The following CNTNAP2 variants were observed in gnomAD, a reference collection of about 807,000 sequenced individuals.
CNTNAP2 encodes contactin associated protein 2.
Under a neutral mutation model 155.2 loss-of-function variants are expected in CNTNAP2, and 98 were observed. The ratio of observed to expected loss-of-function variants is 0.63; its 90% CI spans 0.54 to 0.75. The LOEUF (loss-of-function observed/expected upper bound fraction) is 0.75. Among genes scored for constraint, CNTNAP2 ranks in the 30% least tolerant of loss-of-function variants. CNTNAP2 has a pLI of 0.00. For missense variants in CNTNAP2, 1,727 were observed against 1,688.1 expected, an observed-to-expected ratio of 1.02 and a Z score of -0.40; for synonymous variants, 651 against 631.2, an observed-to-expected ratio of 1.03 and a Z score of -0.47.
At chr7:147,354,910 A>G (rs1440904889) in intron 9 of CNTNAP2, among the ~76,000 whole-genome samples, 1 of 151,994 alleles carries the variant, frequency 6.6e-6, no homozygotes, top group Non-Finnish European at 1.5e-5. Flanking sequence ...TGTGAATGGG[A>G]GTTTGCTCAT....
intron 13 of CNTNAP2, among the ~76,000 whole-genome samples, chr7:147,878,768 A>G (rs1180846470): frequency 6.6e-6 from 1 of 152,180 alleles, no homozygotes; most frequent in East Asian, 1.9e-4. Context: ...AACATGAGAT[A>G]GTTTTCTTTT....
intron 13 of CNTNAP2, among the ~76,000 whole-genome samples, chr7:147,653,678 G>A (rs573680006): frequency 2.0e-5 from 3 of 152,144 alleles, no homozygotes; most frequent in African/African-American, 4.8e-5. Flanking sequence ...GAGGTCCTGC[G>A]CAGGAAGGCA....
At chr7:148,116,280 G>C (rs1370141048) in intron 15 of CNTNAP2, among the ~76,000 whole-genome samples, 2 of 152,066 alleles carry the variant, frequency 1.3e-5, no homozygotes, top group Non-Finnish European at 2.9e-5. Flanking sequence ...TAATTAATAG[G>C]AATGCCATTG....
intron 12 of CNTNAP2, among the ~76,000 whole-genome samples, chr7:147,589,311 T>A (rs1195137053): frequency 6.6e-6 from 1 of 152,228 alleles, no homozygotes; most frequent in African/African-American, 2.4e-5. Flanking sequence ...AAAGTTCGAC[T>A]GATTATAATC....
At chr7:147,178,504 T>G (rs943481488) in intron 8 of CNTNAP2, among the ~76,000 whole-genome samples, 1 of 152,188 alleles carries the variant, frequency 6.6e-6, no homozygotes. Flanking sequence ...AATGAATGTG[T>G]GTTGTTTTAA....
chr7:148,223,774 A>T lies in CNTNAP2; in HGVS notation c.3248-5872A>T, dbSNP rs1795792496. 2.6e-5 allele frequency among the ~76,000 whole-genome samples: 4 copies of T among 152,348 alleles called. No individual in the cohort carries two copies. The South Asian group carries it at 8.3e-4, about 32-fold the overall frequency. ...TCTGCTGCCATTAAGTGAAGCAGTT[A>T]TAGGAATTTAAAATCATATTTACAA... On this transcript the variant is annotated intron_variant, in intron 19 of 23. Transcript: ENST00000361727.
intron 21 of CNTNAP2, among the ~76,000 whole-genome samples, chr7:148,359,054 T>C (rs554631555): frequency 1.3e-5 from 2 of 152,346 alleles, no homozygotes; most frequent in African/African-American, 2.4e-5. Flanking sequence ...TGGTTACTTT[T>C]ACTGTACCTT....
intron 8 of CNTNAP2, among the ~76,000 whole-genome samples, chr7:147,280,351 A>C (rs1209919102): frequency 1.3e-5 from 2 of 151,938 alleles, no homozygotes; most frequent in African/African-American, 2.4e-5. Context: ...CACATCCTCC[A>C]GCAAGTCTGC....
intron 8 of CNTNAP2, among the ~76,000 whole-genome samples, chr7:147,141,085 G>A (rs561958885): frequency 6.6e-6 from 1 of 152,220 alleles, no homozygotes; most frequent in African/African-American, 2.4e-5. Context: ...CAATAACCTC[G>A]TAAGTTAGGT....
intron 13 of CNTNAP2, among the ~76,000 whole-genome samples, chr7:147,810,952 G>C (rs111843677): frequency 4.3e-4 from 66 of 152,254 alleles, no homozygotes; most frequent in Middle Eastern, 3.4e-3. Flanking sequence ...AGACTAGGCT[G>C]GGAATCCTGT....
In CNTNAP2 at chr7:147,376,765, C is replaced by T. The variant is rs75429873; in HGVS notation, c.1499-18844C>T. Among the ~76,000 whole-genome samples the T allele has an allele frequency of 5.7e-3, 868 of 152,006 alleles. 13 individuals carry two copies. Among genetic ancestry groups the T allele is most frequent in the African/African-American group, 0.02 (840 of 41,494 alleles). The stretch of plus-strand genomic sequence containing the variant: ...CATGATGCACAATAACTTAATAACA[C>T]AACTGGGGCAATAAATAGGATCAAA... On this transcript the variant is annotated intron_variant, in intron 9 of 23. Transcript: ENST00000361727.
intron 1 of CNTNAP2, among the ~76,000 whole-genome samples, chr7:146,237,988 G>A (rs1799501263): frequency 6.6e-6 from 1 of 152,086 alleles, no homozygotes; most frequent in Non-Finnish European, 1.5e-5. Flanking sequence ...CTAAATATCT[G>A]TCTTTGTTCC....
intron 1 of CNTNAP2, among the ~76,000 whole-genome samples, chr7:146,648,664 C>A (rs1189874761): frequency 6.6e-6 from 1 of 151,728 alleles, no homozygotes; most frequent in Non-Finnish European, 1.5e-5. Flanking sequence ...AGTGTTTTTC[C>A]CCAATGTGTA....
intron 1 of CNTNAP2, among the ~76,000 whole-genome samples, chr7:146,349,540 T>A (rs1270769241): frequency 1.3e-5 from 2 of 152,234 alleles, no homozygotes; most frequent in African/African-American, 2.4e-5. Flanking sequence ...TGCTCGTTAG[T>A]TGACGCAGTT....
intron 1 of CNTNAP2, among the ~76,000 whole-genome samples, chr7:146,641,899 C>G (rs554445587): frequency 5.6e-4 from 85 of 152,004 alleles, no homozygotes; most frequent in African/African-American, 2.0e-3. Flanking sequence ...ATTGTGAAGA[C>G]AAAAATTGTT....
At chr7:147,018,152 A>G (rs1158400939) in intron 3 of CNTNAP2, among the ~76,000 whole-genome samples, 1 of 152,134 alleles carries the variant, frequency 6.6e-6, no homozygotes, top group Admixed American at 6.6e-5. Flanking sequence ...TCTTTTTACC[A>G]TAATTTCAGT....
In CNTNAP2 at chr7:146,774,401, T is replaced by G. The variant is rs928114479; in HGVS notation, c.208+20T>G. The G allele has an allele frequency of 9.8e-5, 149 of 1,519,926 alleles. No individual in the cohort carries two copies. Among genetic ancestry groups the G allele is most frequent in the Non-Finnish European group, 1.3e-4 (144 of 1,096,034 alleles). 94.2% of individuals were successfully genotyped at this position (1,519,926 alleles called of 1,614,324 possible). A position where few individuals can be genotyped will look rare whatever the true frequency, so the allele number is the denominator to read the frequency against. On this transcript the variant is annotated intron_variant, in intron 2 of 23. Coordinates refer to ENST00000361727, the MANE Select transcript of CNTNAP2 (RefSeq NM_014141.6). ...GAGGAGGTAAGCCAAATTTTGATTC[T>G]TTTATCAATAAACATGTTAAATAAG...
At chr7:147,817,903 T>C (rs888770554) in intron 13 of CNTNAP2, among the ~76,000 whole-genome samples, 9 of 89,482 alleles carry the variant, frequency 1.0e-4, no homozygotes, top group Non-Finnish European at 1.4e-4. Flanking sequence ...AGACTCTGTC[T>C]CAAAAAAAAA....
intron 1 of CNTNAP2, among the ~76,000 whole-genome samples, chr7:146,670,524 G>T (rs2248037): frequency 6.6e-6 from 1 of 151,870 alleles, no homozygotes; most frequent in Non-Finnish European, 1.5e-5. Context: ...GACAGACTCG[G>T]ATTAAAAAAT....
Sources: gnomAD v4.1 joint callset for allele counts (sites outside exome capture counted in the v4.1 genomes callset) on GRCh38, gnomAD v4.1.1 for gene constraint, MANE v1.5 for transcripts, NCBI Gene and HGNC (gene_info 2026-07-23, HGNC 2026-07-21) for gene names.